PTPRN2: variants seen among roughly 807,000 people sequenced by gnomAD.
PTPRN2 encodes receptor-type tyrosine-protein phosphatase N2.
A neutral mutation model predicts 118.8 loss-of-function variants in PTPRN2; 74 were observed. The observed-to-expected ratio is 0.62, with a 90% CI of 0.52 to 0.76. The LOEUF is 0.76. Ranked by LOEUF, PTPRN2 falls within the 30% of genes least tolerant of loss-of-function variation. PTPRN2 has a pLI of 0.00. For missense variants in PTPRN2, 1,481 were observed against 1,394.4 expected (o/e 1.06, Z -0.99); for synonymous variants, 641 against 608.0 (o/e 1.05, Z -0.80).
At chr7:157,595,788 G>A (rs979299738) in intron 16 of PTPRN2, among the ~76,000 whole-genome samples, 1 of 152,198 alleles carries the variant, frequency 6.6e-6, no homozygotes, top group South Asian at 2.1e-4. Context: ...TGATTCAAAC[G>A]AGCACCCGGC....
intron 22 of PTPRN2, among the ~76,000 whole-genome samples, chr7:157,543,838 T>C (rs1197033460): frequency 6.6e-6 from 1 of 152,162 alleles, no homozygotes; most frequent in Non-Finnish European, 1.5e-5. Context: ...CAGCTTCTCT[T>C]TTCACAAAAG....
chr7:157,937,677 G>A (rs757914057), intron 11 of PTPRN2, among the ~76,000 whole-genome samples: 16 of 152,224 alleles, frequency 1.1e-4, no homozygotes, highest in Non-Finnish European at 1.5e-4. Context: ...GAGCGGGTGC[G>A]GCCTCTCTGA....
intron 3 of PTPRN2, among the ~76,000 whole-genome samples, chr7:158,257,900 G>A (rs779327579): frequency 3.9e-5 from 6 of 152,220 alleles, no homozygotes; most frequent in African/African-American, 1.2e-4. Context: ...CCCTGGCTTC[G>A]CGGTGACAGC....
intron 12 of PTPRN2, among the ~76,000 whole-genome samples, chr7:157,842,611 C>T (rs1463170181): frequency 2.0e-5 from 3 of 151,978 alleles, no homozygotes; most frequent in East Asian, 3.9e-4. Flanking sequence ...GATGGGGTTT[C>T]ACCATGTCGG....
chr7:158,405,437 C>A (rs2151418590), intron 2 of PTPRN2, among the ~76,000 whole-genome samples: 1 of 152,312 alleles, frequency 6.6e-6, no homozygotes, highest in East Asian at 1.9e-4. Flanking sequence ...CAAACAGCCC[C>A]CTGGAGGAAA....
chr7:158,369,297 ATACC>A (rs1305439525), intron 2 of PTPRN2, among the ~76,000 whole-genome samples: 40 of 149,678 alleles, frequency 2.7e-4, no homozygotes, highest in African/African-American at 9.7e-4. Flanking sequence ...ACACATATAT[ATACC>A]TATAAAGTTA....
intron 2 of PTPRN2, among the ~76,000 whole-genome samples, chr7:158,445,037 C>A (rs1817629291): frequency 6.6e-6 from 1 of 152,202 alleles, no homozygotes; most frequent in Non-Finnish European, 1.5e-5. Context: ...TGACTTCTCC[C>A]CAAAAGGGCC....
intron 12 of PTPRN2, among the ~76,000 whole-genome samples, chr7:157,842,167 G>C (rs912255335): frequency 1.3e-5 from 2 of 152,106 alleles, no homozygotes; most frequent in African/African-American, 4.8e-5. Context: ...ATTATTTGCT[G>C]GCCCCTTTGT....
At position 158,167,000 on chromosome 7, in the gene PTPRN2, C is replaced by G; in HGVS notation, c.841G>C (p.Ala281Pro). Reference sequence around the variant, plus strand: ...GGCCACTTCTGGGGGGCGGCTGGTGCCAGCAAAGGCCTGGGCATTCTTGAG... The same window carrying G: ...GGCCACTTCTGGGGGGCGGCTGGTGGCAGCAAAGGCCTGGGCATTCTTGAG... ...APSRMPRPLL[A>P]PAAPQKWPSP... Residue 281 changes from alanine to proline, a missense_variant, in exon 6 of 23, where the codon GCA becomes CCA. Around this residue, in one of 3 missense-constraint regions of PTPRN2, gnomAD observed 1,115 missense variants for 994.2 expected, o/e 1.12. Coordinates refer to ENST00000389418, the MANE Select transcript of PTPRN2 (RefSeq NM_002847.5). 1 of 1,464,434 alleles carries G rather than the reference C, an allele frequency of 6.8e-7. No individual in the cohort carries two copies. The highest frequency in any genetic ancestry group is 1.4e-5 in the South Asian group (1 of 69,346). 90.7% of individuals were successfully genotyped at this position (1,464,434 alleles called of 1,614,324 possible). A position where few individuals can be genotyped will look rare whatever the true frequency, so the allele number is the denominator to read the frequency against.
At chr7:158,085,214 CCACA>C (rs1447801302) in intron 10 of PTPRN2, among the ~76,000 whole-genome samples, 30 of 138,410 alleles carry the variant, frequency 2.2e-4, no homozygotes, top group African/African-American at 8.1e-4. Context: ...TGACGCCCAT[CCACA>C]CAGATACCCA....
chr7:158,357,174 T>C (rs981528665), intron 2 of PTPRN2, among the ~76,000 whole-genome samples: 1 of 152,214 alleles, frequency 6.6e-6, no homozygotes, highest in African/African-American at 2.4e-5. Flanking sequence ...CGGGGCTTGT[T>C]TGCAGGTAGA....
chr7:158,133,537 A>G (rs1284122635), intron 9 of PTPRN2, 140 bp downstream of exon 9: 12 of 1,219,060 alleles, frequency 9.8e-6, no homozygotes, highest in East Asian at 2.5e-5. Flanking sequence ...CTGAGACTCC[A>G]GGGATGCCTG....
intron 4 of PTPRN2, among the ~76,000 whole-genome samples, chr7:158,199,332 C>A (rs1237334406): frequency 6.6e-6 from 1 of 152,156 alleles, no homozygotes; most frequent in East Asian, 1.9e-4. Context: ...GCACTCATAC[C>A]TACTGCTTTG....
At position 157,690,511 on chromosome 7, in the gene PTPRN2, G is replaced by A. The variant is rs1305732594; in HGVS notation, c.1789-7574C>T. On this transcript the variant is annotated intron_variant, in intron 12 of 22. Transcript: ENST00000389418. The surrounding 1 kb of genome is among the most constrained non-coding windows in gnomAD (Gnocchi z 7.1). ...CGCCTCTTCCAGGGCCCACCCAACCGCACTACGAGCGCCCGCGCCCCGCCC... is the reference window on the plus strand; with the variant it reads ...CGCCTCTTCCAGGGCCCACCCAACCACACTACGAGCGCCCGCGCCCCGCCC... Among the ~76,000 whole-genome samples, 3 of 151,888 alleles carry A rather than the reference G, an allele frequency of 2.0e-5. No homozygotes were observed. Among genetic ancestry groups the A allele is most frequent in the Non-Finnish European group, 4.4e-5 (3 of 67,950 alleles).
chr7:158,167,414 T>C, intron 5 of PTPRN2, 123 bp from the exon 6 acceptor site: 1 of 1,292,022 alleles, frequency 7.7e-7, no homozygotes, highest in Admixed American at 2.5e-5. Flanking sequence ...AAAGATGCCC[T>C]TCGGTCTCAG....
At position 157,595,558 on chromosome 7, in the gene PTPRN2, T is replaced by TGGAGGTTAGGAAACCA. The variant is rs1563245505; in HGVS notation, c.2419-244_2419-243insTGGTTTCCTAACCTCC. On this transcript the variant is annotated intron_variant, in intron 16 of 22. Coordinates refer to ENST00000389418, the MANE Select transcript of PTPRN2 (RefSeq NM_002847.5). The stretch of plus-strand genomic sequence containing the variant: ...TAGGAAGCCAGGAGGTTAGGAAGCC[T>TGGAGGTTAGGAAACCA]GGAGGTTAGGAAGCCAGGAGGTTAG... Among the ~76,000 whole-genome samples, 117 of 93,940 alleles carry TGGAGGTTAGGAAACCA rather than the reference T, an allele frequency of 1.2e-3. 1 individual carries two copies. Among genetic ancestry groups the TGGAGGTTAGGAAACCA allele is most frequent in the African/African-American group, 6.9e-3 (111 of 16,138 alleles). 61.6% of individuals were successfully genotyped at this position (93,940 alleles called of 152,430 possible). A position where few individuals can be genotyped will look rare whatever the true frequency, so the allele number is the denominator to read the frequency against.
chr7:157,760,725 T>G (rs1328643797), intron 12 of PTPRN2, among the ~76,000 whole-genome samples: 4 of 152,174 alleles, frequency 2.6e-5, no homozygotes, highest in Admixed American at 2.6e-4. Context: ...AGAAAAAACT[T>G]TTCAGAATGC....
In PTPRN2 at chr7:157,869,584, T is replaced by C. The variant is rs917261241; in HGVS notation, c.1788+29089A>G. On this transcript the variant is annotated intron_variant, in intron 12 of 22. Coordinates refer to ENST00000389418, the MANE Select transcript of PTPRN2 (RefSeq NM_002847.5). The surrounding 1 kb of genome is among the most constrained non-coding windows in gnomAD (Gnocchi z 4.2). ...AATTTAGCCACATCAATGCAGTCTT[T>C]TTCCCATTACTATCTAAGGAAAAAT... Among the ~76,000 whole-genome samples, 4 of 152,178 alleles carry C rather than the reference T, an allele frequency of 2.6e-5. No homozygotes were observed. The highest frequency in any genetic ancestry group is 5.9e-5 in the Non-Finnish European group (4 of 68,042).
At chr7:157,669,353 A>C (rs759149963) in intron 13 of PTPRN2, among the ~76,000 whole-genome samples, 1 of 152,184 alleles carries the variant, frequency 6.6e-6, no homozygotes, top group Non-Finnish European at 1.5e-5. Context: ...CACCGCCTCC[A>C]GTGGCTTCTC....
Sources: allele counts gnomAD v4.1 joint callset (sites outside exome capture counted in the v4.1 genomes callset), GRCh38; gene constraint gnomAD v4.1.1; regional missense constraint gnomAD v4.1.1; non-coding constraint Gnocchi (gnomAD v3.1); transcripts MANE v1.5; gene names NCBI Gene and HGNC (gene_info 2026-07-23, HGNC 2026-07-21).